FRMD5: variants seen among roughly 807,000 people sequenced by gnomAD.
FRMD5 encodes the protein FERM domain-containing protein 5.
Under a neutral mutation model 69.0 loss-of-function variants are expected in FRMD5, and 20 were observed. The observed-to-expected ratio is 0.29, with a 90% confidence interval of 0.20 to 0.42. The LOEUF is 0.42. Ranked by LOEUF, FRMD5 falls within the 10% of genes least tolerant of loss-of-function variation. FRMD5 has a pLI of 1.00. For missense variants in FRMD5, 595 were observed against 708.6 expected, an observed-to-expected ratio of 0.84 and a Z score of 1.82; for synonymous variants, 271 against 260.1, an observed-to-expected ratio of 1.04 and a Z score of -0.40.
At chr15:43,991,634 G>C (rs917657870) in intron 1 of FRMD5, among the ~76,000 whole-genome samples, 2 of 152,162 alleles carry the variant, frequency 1.3e-5, no homozygotes, top group African/African-American at 4.8e-5. Flanking sequence ...ATCTGTCTTT[G>C]GTGCTGATAA....
intron 1 of FRMD5, among the ~76,000 whole-genome samples, chr15:43,942,255 A>G (rs75926374): frequency 6.6e-6 from 1 of 152,242 alleles, no homozygotes; most frequent in African/African-American, 2.4e-5. Context: ...ATGAAGGTCA[A>G]GAATATGGAA....
At chr15:44,178,984 C>T (rs1332196598) in intron 1 of FRMD5, among the ~76,000 whole-genome samples, 1 of 116,764 alleles carries the variant, frequency 8.6e-6, no homozygotes, top group Admixed American at 1.0e-4. Flanking sequence ...AAGAGTGAAA[C>T]TCTGTCTTGA....
chr15:44,127,117 C>G (rs2077034123), intron 1 of FRMD5, among the ~76,000 whole-genome samples: 1 of 152,194 alleles, frequency 6.6e-6, no homozygotes, highest in South Asian at 2.1e-4. Flanking sequence ...GAGTCTCGCT[C>G]TGTCGCCCAG....
rs139673310 is a variant in FRMD5, at chr15:44,130,605, A to T, written c.102+64348T>A. Among the ~76,000 whole-genome samples the T allele has an allele frequency of 3.1e-3, 479 of 152,324 alleles. 3 individuals carry two copies. The highest frequency in any genetic ancestry group is 0.011 in the African/African-American group (448 of 41,574). On this transcript the variant is annotated intron_variant, in intron 1 of 13. Coordinates refer to ENST00000417257, the MANE Select transcript of FRMD5 (RefSeq NM_032892.5). ...ACTAGAACTATAAAACCTGTTTAAGAATTTGTATGCTTAGCACTTCAGAAG... is the reference window on the plus strand; with the variant it reads ...ACTAGAACTATAAAACCTGTTTAAGTATTTGTATGCTTAGCACTTCAGAAG...
intron 1 of FRMD5, among the ~76,000 whole-genome samples, chr15:43,946,247 CA>C (rs1395287389): frequency 4.6e-5 from 7 of 152,194 alleles, no homozygotes; most frequent in African/African-American, 1.4e-4. Context: ...GCAAAGGCAG[CA>C]TGGTTAGCCA....
At chr15:44,115,432 A>G (rs1057101702) in intron 1 of FRMD5, among the ~76,000 whole-genome samples, 9 of 152,238 alleles carry the variant, frequency 5.9e-5, no homozygotes, top group Non-Finnish European at 1.3e-4. Flanking sequence ...AGTTTTAAGT[A>G]TACTTCAGCT....
At chr15:43,940,070 G>A (rs1320825163) in intron 1 of FRMD5, among the ~76,000 whole-genome samples, 3 of 152,192 alleles carry the variant, frequency 2.0e-5, no homozygotes, top group Non-Finnish European at 1.5e-5. Context: ...CCAGCCACCT[G>A]TGGGGCTGCG....
intron 1 of FRMD5, among the ~76,000 whole-genome samples, chr15:44,098,079 G>A (rs1170803298): frequency 6.9e-6 from 1 of 145,598 alleles, no homozygotes; most frequent in African/African-American, 2.5e-5. Flanking sequence ...CAGCCAGAAA[G>A]TAATGCCATG....
intron 1 of FRMD5, among the ~76,000 whole-genome samples, chr15:44,135,451 C>T (rs1021161096): frequency 3.3e-5 from 5 of 152,148 alleles, no homozygotes; most frequent in African/African-American, 7.2e-5. Context: ...ATAACATAGA[C>T]ATGTTTTATT....
At chr15:44,150,693 A>G (rs891175877) in intron 1 of FRMD5, among the ~76,000 whole-genome samples, 1 of 151,446 alleles carries the variant, frequency 6.6e-6, no homozygotes, top group Non-Finnish European at 1.5e-5. Flanking sequence ...ACTCAGGAAG[A>G]TGAAGCAGGA....
chr15:43,978,242 A>G (rs369882409), intron 1 of FRMD5, among the ~76,000 whole-genome samples: 1 of 152,192 alleles, frequency 6.6e-6, no homozygotes, highest in East Asian at 1.9e-4. Context: ...CATTAGCAAA[A>G]TACAAATGAG....
intron 1 of FRMD5, among the ~76,000 whole-genome samples, chr15:44,118,219 G>C (rs1272223056): frequency 6.6e-6 from 1 of 151,994 alleles, no homozygotes; most frequent in African/African-American, 2.4e-5. Flanking sequence ...AGGCCTACCT[G>C]AGCCAAATTT....
Position 43,871,276 on chromosome 15 carries a change from G to T in FRMD5, c.*2609C>A, listed in dbSNP as rs1178583936. ...GGAAAAAAACAACCCTAAAGTTTCT[G>T]TTTACAGAGCAAAATTTAGCTGTTA... On this transcript the variant is annotated 3_prime_UTR_variant, in exon 14 of 14. Coordinates refer to ENST00000417257, the MANE Select transcript of FRMD5 (RefSeq NM_032892.5). 6.6e-6 allele frequency: 1 copy of T among 152,160 alleles called. No individual in the cohort carries two copies. The highest frequency in any genetic ancestry group is 1.5e-5 in the Non-Finnish European group (1 of 68,016). 9.4% of individuals were successfully genotyped at this position (152,160 alleles called of 1,614,324 possible).
At position 44,071,263 on chromosome 15, in the gene FRMD5, T is replaced by C. The variant is rs1297166985; in HGVS notation, c.102+123690A>G. Among the ~76,000 whole-genome samples, 3 of 152,116 alleles carry C rather than the reference T, an allele frequency of 2.0e-5. No individual in the cohort carries two copies. The East Asian group carries it at 5.8e-4, about 29-fold the overall frequency. On this transcript the variant is annotated intron_variant, in intron 1 of 13. Transcript: ENST00000417257. Reference sequence around the variant, plus strand: ...AGCTGGTTAGCATCTTTCTTAAAATTTGATGCCCAGAATAGAACACAAAAC... The same window carrying C: ...AGCTGGTTAGCATCTTTCTTAAAATCTGATGCCCAGAATAGAACACAAAAC...
chr15:43,936,274 C>A (rs2089759330), intron 1 of FRMD5, among the ~76,000 whole-genome samples: 2 of 152,150 alleles, frequency 1.3e-5, no homozygotes, highest in South Asian at 4.1e-4. Flanking sequence ...CTCACTGTAG[C>A]CTTGACCTCC....
At chr15:44,132,588 C>T (rs1250131096) in intron 1 of FRMD5, among the ~76,000 whole-genome samples, 1 of 151,986 alleles carries the variant, frequency 6.6e-6, no homozygotes, top group African/African-American at 2.4e-5. Context: ...GCTATCACAC[C>T]CAGCTAATTT....
At chr15:43,901,856 T>C in intron 7 of FRMD5, 1 of 314,352 alleles carries the variant, frequency 3.2e-6, no homozygotes, top group Non-Finnish European at 5.9e-6. Flanking sequence ...CTGAGCCGCC[T>C]CTGATCGTTC....
chr15:44,091,745 AG>A (rs1191064619), intron 1 of FRMD5, among the ~76,000 whole-genome samples: 7 of 152,098 alleles, frequency 4.6e-5, no homozygotes, highest in Non-Finnish European at 7.4e-5. Flanking sequence ...AAGAAACTCT[AG>A]GCCAGTGCTA....
chr15:43,878,091 C>T (rs970417610), intron 13 of FRMD5, among the ~76,000 whole-genome samples: 2 of 152,174 alleles, frequency 1.3e-5, no homozygotes, highest in African/African-American at 4.8e-5. Flanking sequence ...CAGCCTCGAC[C>T]TCCCAGGCTC....
Sources: allele counts gnomAD v4.1 joint callset (sites outside exome capture counted in the v4.1 genomes callset), GRCh38; gene constraint gnomAD v4.1.1; transcripts MANE v1.5; gene names NCBI Gene and HGNC (gene_info 2026-07-23, HGNC 2026-07-21).